Variants in SNTG1 observed in about 807,000 individuals in gnomAD.
The protein encoded by SNTG1 is syntrophin gamma 1, also known as gamma-1-syntrophin.
SNTG1 carries 39 observed loss-of-function variants against 74.7 expected under a neutral mutation model. The ratio of observed to expected loss-of-function variants is 0.52; its 90% CI spans 0.40 to 0.68. The LOEUF (loss-of-function observed/expected upper bound fraction) is 0.68. Ranked by LOEUF, SNTG1 falls within the 30% of genes least tolerant of loss-of-function variation. SNTG1 has a pLI of 0.00. For missense variants in SNTG1, 685 were observed against 609.5 expected (o/e 1.12, Z -1.30); for synonymous variants, 254 against 217.1 (o/e 1.17, Z -1.49).
chr8:50,271,968 G>GT (rs1181123940), intron 2 of SNTG1, among the ~76,000 whole-genome samples: 1 of 151,992 alleles, frequency 6.6e-6, no homozygotes, highest in Non-Finnish European at 1.5e-5. Context: ...GAGCTCTTTT[G>GT]TTTTTTTGAC....
At chr8:50,359,787 ATTTCAAAGTATTTTTCTGGTTCTGC>A (rs2091911393) in intron 2 of SNTG1, among the ~76,000 whole-genome samples, 1 of 152,166 alleles carries the variant, frequency 6.6e-6, no homozygotes, top group East Asian at 1.9e-4. Context: ...GATTAATACT[ATTTCAAAGTATTTTTCTGGTTCTGC>A]TTTCTGTTTG....
chr8:50,005,664 A>C (rs1237775628), intron 1 of SNTG1, among the ~76,000 whole-genome samples: 3 of 152,194 alleles, frequency 2.0e-5, no homozygotes, highest in African/African-American at 7.2e-5. Flanking sequence ...ATTTACATAT[A>C]CAGATCCTTA....
chr8:50,141,080 C>T (rs551088484), intron 1 of SNTG1, among the ~76,000 whole-genome samples: 75 of 152,300 alleles, frequency 4.9e-4, no homozygotes, highest in Non-Finnish European at 1.5e-5. Context: ...TGTGTTTCTT[C>T]AGTGATCACT....
At chr8:50,011,323 T>G (rs1018445664) in intron 1 of SNTG1, among the ~76,000 whole-genome samples, 1 of 152,194 alleles carries the variant, frequency 6.6e-6, no homozygotes, top group African/African-American at 2.4e-5. Context: ...TCTTGAAGGA[T>G]GAAAATAATG....
intron 1 of SNTG1, among the ~76,000 whole-genome samples, chr8:50,047,960 C>A (rs543360724): frequency 6.6e-6 from 1 of 152,018 alleles, no homozygotes; most frequent in Non-Finnish European, 1.5e-5. Context: ...GATAATCATA[C>A]TAATTTCAAG....
intron 1 of SNTG1, among the ~76,000 whole-genome samples, chr8:50,044,682 T>C (rs1216502847): frequency 1.3e-5 from 2 of 152,202 alleles, no homozygotes; most frequent in Admixed American, 1.3e-4. Context: ...AGCTATAGCC[T>C]TGGAATTTCT....
At chr8:50,571,673 A>G (rs1038462140) in intron 12 of SNTG1, among the ~76,000 whole-genome samples, 2 of 152,142 alleles carry the variant, frequency 1.3e-5, no homozygotes, top group African/African-American at 4.8e-5. Flanking sequence ...TTTGCCTCAC[A>G]CTCTATTTCT....
intron 1 of SNTG1, among the ~76,000 whole-genome samples, chr8:50,141,206 A>C (rs1294909482): frequency 1.3e-5 from 2 of 152,198 alleles, no homozygotes; most frequent in Non-Finnish European, 2.9e-5. Context: ...AATATATGGG[A>C]ATAGGATTGC....
At chr8:50,265,068 C>T (rs2087395668) in intron 2 of SNTG1, among the ~76,000 whole-genome samples, 1 of 151,974 alleles carries the variant, frequency 6.6e-6, no homozygotes, top group South Asian at 2.1e-4. Context: ...GAAAAATTTA[C>T]ATAAATGTTT....
Position 49,959,745 on chromosome 8 carries a change from C to T in SNTG1, c.-103+47514C>T, listed in dbSNP as rs550580718. Among the ~76,000 whole-genome samples the T allele has an allele frequency of 8.5e-5, 13 of 152,224 alleles. No individual in the cohort carries two copies. The South Asian group carries it at 2.5e-3, about 29-fold the overall frequency. ...TACTTTTGGGCTATTATGAATAATG[C>T]TTTTGTGAACAGCTGTATCCAAGTT... On this transcript the variant is annotated intron_variant, in intron 1 of 18. Transcript: ENST00000642720.
chr8:49,967,880 A>G (rs528428786), intron 1 of SNTG1, among the ~76,000 whole-genome samples: 111 of 152,276 alleles, frequency 7.3e-4, no homozygotes, highest in African/African-American at 2.6e-3. Context: ...TAAGATCATG[A>G]TTATCAAATT....
intron 1 of SNTG1, among the ~76,000 whole-genome samples, chr8:50,135,612 G>A (rs1346304929): frequency 1.3e-5 from 2 of 151,618 alleles, no homozygotes; most frequent in Admixed American, 6.6e-5. Flanking sequence ...CATGATTTTG[G>A]GGGACTTTCG....
chr8:49,932,529 C>T (rs992431228), intron 1 of SNTG1, among the ~76,000 whole-genome samples: 11 of 151,690 alleles, frequency 7.3e-5, no homozygotes, highest in African/African-American at 2.7e-4. Context: ...CCATCTCAAA[C>T]TAGTCATTAT....
intron 1 of SNTG1, among the ~76,000 whole-genome samples, chr8:50,096,321 T>A (rs2079927168): frequency 6.6e-6 from 1 of 152,206 alleles, no homozygotes; most frequent in Non-Finnish European, 1.5e-5. Flanking sequence ...TAGTTCAAAT[T>A]TGTTTCATTG....
At chr8:50,553,283 A>G in intron 12 of SNTG1, 104 bp downstream of exon 12, 1 of 1,415,656 alleles carries the variant, frequency 7.1e-7, no homozygotes, top group Non-Finnish European at 9.6e-7. Context: ...TCTTCTCAGA[A>G]TGAGACATTC....
At chr8:50,701,910 G>A (rs527630585) in intron 15 of SNTG1, among the ~76,000 whole-genome samples, 26 of 150,936 alleles carry the variant, frequency 1.7e-4, no homozygotes, top group Admixed American at 1.3e-3. Context: ...GAATGCAGTG[G>A]CACAGTCTTG....
chr8:50,440,583 A>G (rs867065752), intron 5 of SNTG1, among the ~76,000 whole-genome samples: 1 of 152,220 alleles, frequency 6.6e-6, no homozygotes, highest in African/African-American at 2.4e-5. Context: ...TAGTATTTTA[A>G]TGTTGAACTA....
chr8:50,221,135 A>T (rs1394187719), intron 2 of SNTG1, among the ~76,000 whole-genome samples: 1 of 152,240 alleles, frequency 6.6e-6, no homozygotes, highest in South Asian at 2.1e-4. Flanking sequence ...AAATTAAAGG[A>T]AATCTTCTAA....
intron 1 of SNTG1, among the ~76,000 whole-genome samples, chr8:50,104,906 G>C (rs1043682610): frequency 1.3e-5 from 2 of 151,968 alleles, no homozygotes; most frequent in Admixed American, 6.6e-5. Flanking sequence ...ACTTGTTGTT[G>C]TGATTAGTTT....
Sources: gnomAD v4.1 joint callset for allele counts (sites outside exome capture counted in the v4.1 genomes callset) on GRCh38, gnomAD v4.1.1 for gene constraint, MANE v1.5 for transcripts, NCBI Gene and HGNC (gene_info 2026-07-23, HGNC 2026-07-21) for gene names.